Variants in ABCB4 observed in about 807,000 individuals in gnomAD.
ABCB4 encodes ATP binding cassette subfamily B member 4.
A neutral mutation model predicts 145.7 loss-of-function variants in ABCB4; 76 were observed. The observed-to-expected ratio is 0.52, with a 90% CI of 0.43 to 0.63. The LOEUF (loss-of-function observed/expected upper bound fraction) is 0.63. Among genes scored for constraint, ABCB4 ranks in the 30% least tolerant of loss-of-function variants. The pLI, the probability that ABCB4 is intolerant of heterozygous loss-of-function variation, is 0.00. For synonymous variants in ABCB4, 517 were observed against 566.8 expected, an observed-to-expected ratio of 0.91 and a Z score of 1.25; for missense variants, 1,234 against 1,553.1, an observed-to-expected ratio of 0.79 and a Z score of 3.45.
chr7:87,469,787 T>G (rs1813228493), intron 3 of ABCB4, among the ~76,000 whole-genome samples: 1 of 152,280 alleles, frequency 6.6e-6, no homozygotes, highest in South Asian at 2.1e-4. Context: ...AAAATGGCCA[T>G]ACTGCCCAAG....
At chr7:87,384,027 A>C in the ABCB4 span, among the ~76,000 whole-genome samples, 1 of 151,912 alleles carries the variant, frequency 6.6e-6, no homozygotes, top group South Asian at 2.1e-4. Flanking sequence ...GTACTAATTT[A>C]CATTTCCACC....
Position 87,402,002 on chromosome 7 carries a change from T to A in ABCB4, c.*94A>T, listed in dbSNP as rs1388054211. On this transcript the variant is annotated 3_prime_UTR_variant, in exon 28 of 28. Transcript: ENST00000649586. ...ATCTAGAATGAGACAGACATACCTA[T>A]GTTTTATGATGACAAACCAGAAACT... 4 of 1,499,742 alleles carry A rather than the reference T, an allele frequency of 2.7e-6. No individual in the cohort carries two copies. The East Asian group carries it at 9.7e-5, about 36-fold the overall frequency. The allele number at this position is 1,499,742 out of a possible 1,614,324, so 92.9% of individuals were successfully genotyped here. A position where few individuals can be genotyped will look rare whatever the true frequency, so the allele number is the denominator to read the frequency against.
At chr7:87,475,951 C>G (rs930471520), upstream of ABCB4, among the ~76,000 whole-genome samples, 6 of 152,180 alleles carry the variant, frequency 3.9e-5, no homozygotes, top group Non-Finnish European at 5.9e-5. Context: ...AGGATAAGAC[C>G]GAGATCAGGC....
intron 25 of ABCB4, among the ~76,000 whole-genome samples, chr7:87,407,136 G>C (rs1171321688): frequency 6.6e-6 from 1 of 152,154 alleles, no homozygotes; most frequent in African/African-American, 2.4e-5. Flanking sequence ...GTGCTCCTAG[G>C]GAAGTGTTGT....
intron 21 of ABCB4, among the ~76,000 whole-genome samples, 168 bp from the exon 22 acceptor site, chr7:87,413,885 C>A (rs373845103): frequency 2.0e-5 from 3 of 152,292 alleles, no homozygotes; most frequent in African/African-American, 7.2e-5. Flanking sequence ...AGCTTTATGA[C>A]AAAACTGGTA....
chr7:87,453,952 GAT>G (rs752197208), intron 5 of ABCB4, among the ~76,000 whole-genome samples: 18 of 151,190 alleles, frequency 1.2e-4, no homozygotes, highest in Non-Finnish European at 2.4e-4. Context: ...TTTAAAAAAA[GAT>G]ATGATAAAAT....
At chr7:87,391,855 C>G in the ABCB4 span, 1 of 805,544 alleles carries the variant, frequency 1.2e-6, no homozygotes, top group Non-Finnish European at 1.9e-6. Context: ...GTTTTTAAAG[C>G]ATTTGTTCAT....
At chr7:87,450,237 T>G (rs1811621636) in intron 7 of ABCB4, 145 bp from the exon 8 acceptor site, 1 of 1,163,748 alleles carries the variant, frequency 8.6e-7, no homozygotes, top group East Asian at 2.5e-5. Context: ...GTGTTCTGGA[T>G]CCAATGGCTG....
chr7:87,368,708 G>T, the ABCB4 span, among the ~76,000 whole-genome samples: 4 of 152,230 alleles, frequency 2.6e-5, no homozygotes, highest in Non-Finnish European at 4.4e-5. Flanking sequence ...TTAGAAGGTA[G>T]GGGCAGGGAT....
intron 20 of ABCB4, among the ~76,000 whole-genome samples, chr7:87,418,267 A>G (rs528807350): frequency 6.6e-6 from 1 of 152,306 alleles, no homozygotes; most frequent in South Asian, 2.1e-4. Context: ...TGTAGTTCTA[A>G]TTACTATTAG....
chr7:87,451,816 T>C (rs772134649), intron 6 of ABCB4, 22 bp from the exon 7 acceptor site: 2 of 1,613,118 alleles, frequency 1.2e-6, no homozygotes, highest in African/African-American at 2.7e-5. Context: ...CACACCTAAG[T>C]GGTTACAGGC....
intron 16 of ABCB4, among the ~76,000 whole-genome samples, chr7:87,424,418 G>C (rs548560583): frequency 6.6e-6 from 1 of 152,126 alleles, no homozygotes; most frequent in Non-Finnish European, 1.5e-5. Flanking sequence ...CACATAAGCC[G>C]AGCTGCAGTT....
intron 24 of ABCB4, among the ~76,000 whole-genome samples, chr7:87,409,010 C>A (rs1808413547): frequency 6.6e-6 from 1 of 151,800 alleles, no homozygotes. Context: ...ATCTGGTTTT[C>A]CCTTTTTTTT....
At chr7:87,407,663 C>T (rs139212447) in intron 25 of ABCB4, among the ~76,000 whole-genome samples, 3 of 152,282 alleles carry the variant, frequency 2.0e-5, no homozygotes, top group East Asian at 3.9e-4. Flanking sequence ...AAACTGAAAG[C>T]GGTGGGGAGG....
rs1274721881 is a variant in ABCB4, at chr7:87,409,303, G to A, written c.3014C>T (p.Ala1005Val). The A allele has an allele frequency of 6.2e-7, 1 of 1,613,962 alleles. No homozygotes were observed. The highest frequency in any genetic ancestry group is 1.3e-5 in the African/African-American group (1 of 74,898). Residue 1005 changes from alanine to valine, a missense_variant, in exon 24 of 28, where the codon GCC becomes GTC. Ala to Val is a moderately conservative substitution (Grantham distance 64, BLOSUM62 0). Transcript: ENST00000649586. ...PDYAKAKLSA[A>V]HLFMLFERQP... ...TCTTTCAAACAGCATGAATAAGTGG[G>A]CTGCAGACAGCTTAGCTTTAGCATA...
chr7:87,434,241 C>T (rs541665517), intron 14 of ABCB4, among the ~76,000 whole-genome samples: 108 of 151,906 alleles, frequency 7.1e-4, no homozygotes, highest in Non-Finnish European at 1.1e-3. Context: ...CACACCTGGC[C>T]ACCATTTTGT....
chr7:87,411,702 G>A (rs924942339), intron 23 of ABCB4, among the ~76,000 whole-genome samples, 191 bp downstream of exon 23: 10 of 151,992 alleles, frequency 6.6e-5, no homozygotes, highest in East Asian at 1.9e-4. Flanking sequence ...ATTGTAGCCC[G>A]CAAAATGAAA....
chr7:87,411,453 G>A (rs1474347847), intron 23 of ABCB4, among the ~76,000 whole-genome samples: 1 of 152,156 alleles, frequency 6.6e-6, no homozygotes, highest in Non-Finnish European at 1.5e-5. Flanking sequence ...TCTCAGGCCT[G>A]GTTAGGGAGA....
At chr7:87,412,067 C>T (rs761780866) in intron 22 of ABCB4, 34 bp from the exon 23 acceptor site, 2 of 1,612,350 alleles carry the variant, frequency 1.2e-6, no homozygotes, top group East Asian at 2.2e-5. Flanking sequence ...GTAACCATCT[C>T]TTCAGCCTCC....
Sources: gnomAD v4.1 joint callset for allele counts (sites outside exome capture counted in the v4.1 genomes callset) on GRCh38, gnomAD v4.1.1 for gene constraint, MANE v1.5 for transcripts, NCBI Gene and HGNC (gene_info 2026-07-23, HGNC 2026-07-21) for gene names.